TENM3: variants seen among roughly 807,000 people sequenced by gnomAD.
TENM3 encodes the protein teneurin transmembrane protein 3.
In TENM3, 63 loss-of-function variants were observed where a neutral mutation model predicts 255.1. The ratio of observed to expected loss-of-function variants is 0.25; its 90% CI spans 0.20 to 0.30. The LOEUF is 0.30. Ranked by LOEUF, TENM3 falls within the 10% of genes least tolerant of loss-of-function variation. The probability of loss-of-function intolerance (pLI) is 1.00; values close to 1 mark genes in which losing one functional copy is unlikely to be tolerated. For missense variants in TENM3, 2,929 were observed against 3,461.1 expected (o/e 0.85, Z 3.86); for synonymous variants, 1,306 against 1,322.3 (o/e 0.99, Z 0.27).
chr4:182,523,423 T>C, intron 3 of TENM3, among the ~76,000 whole-genome samples: 1 of 152,170 alleles, frequency 6.6e-6, no homozygotes, highest in East Asian at 1.9e-4. Context: ...TATAACCTTT[T>C]TTGGAACATG....
the TENM3 span, among the ~76,000 whole-genome samples, chr4:181,573,550 A>G: frequency 6.6e-6 from 1 of 152,334 alleles, no homozygotes; most frequent in African/African-American, 2.4e-5. Context: ...CTAAAAAGAT[A>G]TGAATTAGTG....
chr4:182,386,832 C>A (rs1157528441), intron 3 of TENM3, among the ~76,000 whole-genome samples: 1 of 152,230 alleles, frequency 6.6e-6, no homozygotes, highest in African/African-American at 2.4e-5. Flanking sequence ...TGAGCCTTCC[C>A]CCGCCTCCGT....
At chr4:181,962,805 G>A in the TENM3 span, among the ~76,000 whole-genome samples, 147 of 152,254 alleles carry the variant, frequency 9.7e-4, 1 homozygote, top group African/African-American at 3.4e-3. Flanking sequence ...AAATTCAAAT[G>A]CCAGTACTCA....
At chr4:182,128,160 CTG>C in the TENM3 span, among the ~76,000 whole-genome samples, 4 of 151,720 alleles carry the variant, frequency 2.6e-5, no homozygotes, top group Non-Finnish European at 5.9e-5. Flanking sequence ...TATGTAAAAT[CTG>C]TGGAAAAAAA....
At chr4:182,663,759 T>C (rs1009475074) in intron 6 of TENM3, among the ~76,000 whole-genome samples, 1 of 152,224 alleles carries the variant, frequency 6.6e-6, no homozygotes, top group Non-Finnish European at 1.5e-5. Context: ...AAAAATCACA[T>C]TGTGATCTAT....
At chr4:181,731,173 T>TA in the TENM3 span, among the ~76,000 whole-genome samples, 1 of 152,142 alleles carries the variant, frequency 6.6e-6, no homozygotes, top group Non-Finnish European at 1.5e-5. Flanking sequence ...TACATTTTTT[T>TA]AAAAAAGAGG....
intron 5 of TENM3, among the ~76,000 whole-genome samples, chr4:182,647,789 G>A (rs1411093819): frequency 1.3e-5 from 2 of 152,064 alleles, no homozygotes; most frequent in Non-Finnish European, 2.9e-5. Flanking sequence ...TAATTTTTTT[G>A]TGGAATCACC....
the TENM3 span, among the ~76,000 whole-genome samples, chr4:181,459,485 A>G: frequency 1.3e-5 from 2 of 151,832 alleles, no homozygotes; most frequent in Non-Finnish European, 2.9e-5. Context: ...TTTGGTTTTC[A>G]TATTTAGATT....
chr4:182,146,117 A>T (rs1749948554), intron 1 of TENM3, among the ~76,000 whole-genome samples: 1 of 152,230 alleles, frequency 6.6e-6, no homozygotes, highest in Non-Finnish European at 1.5e-5. Flanking sequence ...TAATATATTG[A>T]GAACAGACTG....
At chr4:181,537,777 A>G in the TENM3 span, among the ~76,000 whole-genome samples, 1 of 152,232 alleles carries the variant, frequency 6.6e-6, no homozygotes, top group African/African-American at 2.4e-5. Context: ...ACTACTTACC[A>G]CAGCCTCCCT....
intron 3 of TENM3, among the ~76,000 whole-genome samples, chr4:182,416,124 A>C (rs75062476): frequency 0.013 from 2,007 of 152,344 alleles, 17 homozygotes; most frequent in South Asian, 0.03. Flanking sequence ...AATATGGGAA[A>C]TGGGTAGTCT....
chr4:181,870,351 A>G, the TENM3 span, among the ~76,000 whole-genome samples: 3 of 152,186 alleles, frequency 2.0e-5, no homozygotes, highest in Non-Finnish European at 4.4e-5. Context: ...ACCAAGGAAT[A>G]AAATTGCTGG....
the TENM3 span, among the ~76,000 whole-genome samples, chr4:181,981,228 A>G: frequency 6.6e-6 from 1 of 152,020 alleles, no homozygotes; most frequent in Non-Finnish European, 1.5e-5. Flanking sequence ...CAAAGTCTCT[A>G]CCTACAATTT....
At chr4:182,726,163 C>A (rs1049143299) in intron 13 of TENM3, among the ~76,000 whole-genome samples, 1 of 152,056 alleles carries the variant, frequency 6.6e-6, no homozygotes, top group African/African-American at 2.4e-5. Context: ...TGAAAAGAGT[C>A]CAACTTTATA....
intron 1 of TENM3, among the ~76,000 whole-genome samples, chr4:182,189,839 G>C (rs1273919681): frequency 6.6e-6 from 1 of 152,184 alleles, no homozygotes; most frequent in Non-Finnish European, 1.5e-5. Flanking sequence ...TAGTGCCAAA[G>C]TCCTTTCTAT....
chr4:181,609,067 CAA>C, the TENM3 span, among the ~76,000 whole-genome samples: 1 of 151,418 alleles, frequency 6.6e-6, no homozygotes, highest in Admixed American at 6.6e-5. Flanking sequence ...CAAACCTTTG[CAA>C]AAGGAAGACA....
At chr4:182,066,642 G>A in the TENM3 span, among the ~76,000 whole-genome samples, 1 of 150,508 alleles carries the variant, frequency 6.6e-6, no homozygotes, top group Non-Finnish European at 1.5e-5. Flanking sequence ...CAGGCGCGGT[G>A]GCTCATGCCT....
chr4:182,065,526 C>T, the TENM3 span, among the ~76,000 whole-genome samples: 3 of 152,284 alleles, frequency 2.0e-5, no homozygotes, highest in South Asian at 6.2e-4. Context: ...CACTTTTAAA[C>T]AGCCAGATCT....
the TENM3 span, among the ~76,000 whole-genome samples, chr4:182,032,699 T>C: frequency 1.3e-5 from 2 of 152,214 alleles, no homozygotes; most frequent in African/African-American, 4.8e-5. Context: ...TTATGGTTAA[T>C]AGACTATTTA....
Sources: allele counts gnomAD v4.1 joint callset (sites outside exome capture counted in the v4.1 genomes callset), GRCh38; gene constraint gnomAD v4.1.1; transcripts MANE v1.5; gene names NCBI Gene and HGNC (gene_info 2026-07-23, HGNC 2026-07-21).